The following PI4KA variants were observed in gnomAD, a reference collection of about 807,000 sequenced individuals.
The protein encoded by PI4KA is PI4-kinase alpha.
Under a neutral mutation model 271.4 loss-of-function variants are expected in PI4KA, and 122 were observed. That is an observed-to-expected ratio of 0.45 (90% CI 0.39 to 0.52). PI4KA has a LOEUF of 0.52. Among genes scored for constraint, PI4KA ranks in the 20% least tolerant of loss-of-function variants. The pLI, the probability that PI4KA is intolerant of heterozygous loss-of-function variation, is 0.00. For synonymous variants in PI4KA, 1,041 were observed against 1,078.8 expected (o/e 0.96, Z 0.69); for missense variants, 1,969 against 2,769.1 (o/e 0.71, Z 6.48).
chr22:20,781,173 C>T (rs1473704599), intron 19 of PI4KA, among the ~76,000 whole-genome samples: 1 of 152,168 alleles, frequency 6.6e-6, no homozygotes, highest in Admixed American at 6.5e-5. Flanking sequence ...ATCACACACA[C>T]ATAGGACCCC....
chr22:20,726,762 G>GC (rs1927400055), intron 41 of PI4KA, among the ~76,000 whole-genome samples: 1 of 152,224 alleles, frequency 6.6e-6, no homozygotes, highest in Admixed American at 6.5e-5. Context: ...AGGGCCTCGT[G>GC]CTCCTCACTA....
chr22:20,787,221 A>G, intron 19 of PI4KA: 2 of 709,574 alleles, frequency 2.8e-6, no homozygotes, highest in East Asian at 2.7e-5. Flanking sequence ...AACGACCAAG[A>G]AGAGAGGCTT....
At chr22:20,718,977 G>T (rs1601325795) in intron 43 of PI4KA, among the ~76,000 whole-genome samples, 155 bp from the exon 44 acceptor site, 1 of 152,252 alleles carries the variant, frequency 6.6e-6, no homozygotes, top group Non-Finnish European at 1.5e-5. Flanking sequence ...CCCTTTTGCT[G>T]TGTTGACACA....
intron 29 of PI4KA, among the ~76,000 whole-genome samples, chr22:20,746,536 A>T (rs1930135212): frequency 1.3e-5 from 2 of 152,346 alleles, no homozygotes; most frequent in South Asian, 4.1e-4. Flanking sequence ...TTATGTAATA[A>T]AGCTTTGCTC....
chr22:20,751,236 T>G, intron 27 of PI4KA, 57 bp downstream of exon 27: 13 of 1,382,702 alleles, frequency 9.4e-6, no homozygotes, highest in Non-Finnish European at 1.0e-5. Flanking sequence ...CTCGTGGAAA[T>G]ACTCAGGGAA....
intron 32 of PI4KA, among the ~76,000 whole-genome samples, chr22:20,739,300 C>T (rs1929118680): frequency 6.7e-6 from 1 of 150,020 alleles, no homozygotes. Context: ...GATCGGGCCA[C>T]TGCACTCCAG....
intron 1 of PI4KA, among the ~76,000 whole-genome samples, chr22:20,852,676 T>G (rs1202181060): frequency 6.6e-6 from 1 of 152,190 alleles, no homozygotes; most frequent in Non-Finnish European, 1.5e-5. Flanking sequence ...CGGATGGCTC[T>G]TCTTAACATA....
intron 1 of PI4KA, among the ~76,000 whole-genome samples, chr22:20,846,107 C>CA (rs1403272924): frequency 6.6e-6 from 1 of 150,836 alleles, no homozygotes; most frequent in African/African-American, 2.4e-5. Flanking sequence ...AAAAAAAATA[C>CA]AAAAAAATTA....
chr22:20,742,177 C>A (rs374878005), intron 32 of PI4KA, 51 bp downstream of exon 32: 4 of 1,585,188 alleles, frequency 2.5e-6, no homozygotes, highest in East Asian at 4.5e-5. Context: ...AGGCTCTTCC[C>A]GTCTGTTATC....
rs1375554036 is a variant in PI4KA, at chr22:20,744,613, G to A, written c.3456+15C>T. On this transcript the variant is annotated intron_variant, in intron 30 of 54. Transcript: ENST00000255882. ...ACACGTTAAAGGCCCTAGGGCGCAA[G>A]GACAAGAGAAGCACCTCGCCCGCGT... The A allele has an allele frequency of 1.2e-6, 2 of 1,604,662 alleles. No individual in the cohort carries two copies. Among genetic ancestry groups the A allele is most frequent in the Non-Finnish European group, 1.7e-6 (2 of 1,171,428 alleles).
chr22:20,744,268 A>C (rs921143929), intron 30 of PI4KA, among the ~76,000 whole-genome samples: 6 of 152,170 alleles, frequency 3.9e-5, no homozygotes, highest in Admixed American at 3.3e-4. Context: ...TAATCTTGGG[A>C]ACCTCCGTTT....
chr22:20,818,605 A>C (rs371104421), intron 6 of PI4KA, 56 bp from the exon 7 acceptor site: 456 of 1,374,034 alleles, frequency 3.3e-4, no homozygotes, highest in Non-Finnish European at 4.2e-4. Context: ...CCTCCATCAG[A>C]TTTGTCTTAG....
At chr22:20,812,554 T>C (rs142363468) in intron 8 of PI4KA, among the ~76,000 whole-genome samples, 159 of 152,228 alleles carry the variant, frequency 1.0e-3, no homozygotes, top group African/African-American at 3.5e-3. Flanking sequence ...CCCTGGATCT[T>C]TATTTTGTAA....
chr22:20,793,066 T>C, intron 19 of PI4KA, 127 bp downstream of exon 19: 1 of 657,900 alleles, frequency 1.5e-6, no homozygotes, highest in Non-Finnish European at 2.8e-6. Context: ...GCTGCAGCAG[T>C]CACATCTAGA....
At chr22:20,770,513 CAAAA>C (rs1178691364) in intron 19 of PI4KA, among the ~76,000 whole-genome samples, 5 of 13,202 alleles carry the variant, frequency 3.8e-4, no homozygotes, top group African/African-American at 1.1e-3. Context: ...AACTCCGTCT[CAAAA>C]AAAAAAAAAA....
chr22:20,770,533 G>A (rs361930), intron 19 of PI4KA, among the ~76,000 whole-genome samples: 32,961 of 81,290 alleles, frequency 0.41, 9,081 homozygotes, highest in African/African-American at 0.52. Flanking sequence ...AAAAAAAAAA[G>A]AGAGAGAGAG....
chr22:20,733,764 T>A lies in PI4KA; in HGVS notation c.4132A>T (p.Ile1378Phe). Residue 1378 changes from isoleucine to phenylalanine, a missense_variant, in exon 35 of 55, where the codon ATC (isoleucine) becomes TTC (phenylalanine). Transcript: ENST00000255882. The part of the protein sequence containing the change: ...ATIRNVLREK[I>F]YSTAFDYFSC... ...AAGTAGTCAAAGGCAGTGGAGTAGA[T>A]CTTCTCGCGAAGCACATTGCGGATG... 3.1e-6 allele frequency: 5 copies of A among 1,613,484 alleles called. No homozygotes were observed. The highest frequency in any genetic ancestry group is 4.2e-6 in the Non-Finnish European group (5 of 1,179,810).
chr22:20,750,078 T>C, intron 27 of PI4KA, 84 bp from the exon 28 acceptor site: 1 of 845,224 alleles, frequency 1.2e-6, no homozygotes, highest in Non-Finnish European at 2.0e-6. Flanking sequence ...CTGAACTATG[T>C]CTCCCCAAAT....
intron 19 of PI4KA, among the ~76,000 whole-genome samples, chr22:20,777,372 A>G (rs1196980361): frequency 1.3e-5 from 2 of 151,680 alleles, no homozygotes; most frequent in African/African-American, 4.8e-5. Flanking sequence ...ATGCGCCACC[A>G]CGCCGGCTAA....
Sources: gnomAD v4.1 joint callset for allele counts (sites outside exome capture counted in the v4.1 genomes callset) on GRCh38, gnomAD v4.1.1 for gene constraint, MANE v1.5 for transcripts, NCBI Gene and HGNC (gene_info 2026-07-23, HGNC 2026-07-21) for gene names.